SUGCT: variants seen among roughly 807,000 people sequenced by gnomAD.
SUGCT encodes the protein succinyl-CoA:glutarate CoA-transferase.
Under a neutral mutation model 55.0 loss-of-function variants are expected in SUGCT, and 41 were observed. The observed-to-expected ratio is 0.74, with a 90% confidence interval of 0.58 to 0.97. The LOEUF is 0.97. Ranked by LOEUF, SUGCT falls within the 50% of genes least tolerant of loss-of-function variation. The pLI is 0.00. For missense variants in SUGCT, 568 were observed against 547.8 expected, an observed-to-expected ratio of 1.04 and a Z score of -0.37; for synonymous variants, 187 against 200.4, an observed-to-expected ratio of 0.93 and a Z score of 0.56.
At chr7:40,747,846 C>A (rs1166279785) in intron 12 of SUGCT, among the ~76,000 whole-genome samples, 2 of 152,034 alleles carry the variant, frequency 1.3e-5, no homozygotes, top group African/African-American at 4.8e-5. Flanking sequence ...CATTTTGCCT[C>A]CAATAATTCA....
intron 12 of SUGCT, among the ~76,000 whole-genome samples, chr7:40,681,835 C>G (rs972550435): frequency 6.6e-6 from 1 of 152,060 alleles, no homozygotes; most frequent in Non-Finnish European, 1.5e-5. Context: ...AATATTAGCT[C>G]TAGCTCATGG....
At chr7:40,835,474 G>T (rs1792914414) in intron 13 of SUGCT, among the ~76,000 whole-genome samples, 1 of 151,968 alleles carries the variant, frequency 6.6e-6, no homozygotes, top group South Asian at 2.1e-4. Flanking sequence ...TTGAAATATT[G>T]ACTACAGAAA....
chr7:40,491,504 G>A (rs1405705581), intron 11 of SUGCT, among the ~76,000 whole-genome samples: 3 of 152,088 alleles, frequency 2.0e-5, no homozygotes, highest in Non-Finnish European at 4.4e-5. Flanking sequence ...TCATGGGGAT[G>A]CTAATGCATC....
chr7:40,663,210 C>G (rs1584233631), intron 12 of SUGCT, among the ~76,000 whole-genome samples: 2 of 151,828 alleles, frequency 1.3e-5, no homozygotes, highest in East Asian at 3.9e-4. Flanking sequence ...GTCTTATGGA[C>G]TTTGTTTAAT....
chr7:40,764,913 G>T (rs1026156050), intron 13 of SUGCT, among the ~76,000 whole-genome samples: 2 of 152,136 alleles, frequency 1.3e-5, no homozygotes, highest in African/African-American at 2.4e-5. Flanking sequence ...GTGGTGTGGA[G>T]GCTCCTCTTT....
At chr7:40,847,163 A>T (rs1793598847) in intron 13 of SUGCT, among the ~76,000 whole-genome samples, 1 of 152,148 alleles carries the variant, frequency 6.6e-6, no homozygotes, top group Non-Finnish European at 1.5e-5. Flanking sequence ...ACTGAAACTG[A>T]GGCATGTGTC....
At chr7:40,364,223 G>A (rs1471421804) in intron 9 of SUGCT, among the ~76,000 whole-genome samples, 1 of 152,074 alleles carries the variant, frequency 6.6e-6, no homozygotes, top group African/African-American at 2.4e-5. Flanking sequence ...CACGTGAGAT[G>A]GGTTTTCTGA....
chr7:40,453,024 C>T (rs140203128), intron 10 of SUGCT, among the ~76,000 whole-genome samples: 140 of 152,234 alleles, frequency 9.2e-4, no homozygotes, highest in African/African-American at 3.3e-3. Flanking sequence ...GAACCTGAAA[C>T]CTGGAAGTGA....
chr7:40,383,906 C>A (rs553506086), intron 9 of SUGCT, among the ~76,000 whole-genome samples: 1 of 152,126 alleles, frequency 6.6e-6, no homozygotes, highest in East Asian at 1.9e-4. Context: ...TAATATGCTT[C>A]CCCCTGCACA....
the SUGCT span, among the ~76,000 whole-genome samples, chr7:40,938,539 GT>G: frequency 6.6e-6 from 1 of 151,690 alleles, no homozygotes; most frequent in Non-Finnish European, 1.5e-5. Flanking sequence ...AGTACAAGTG[GT>G]TTTTGGTTAC....
the SUGCT span, among the ~76,000 whole-genome samples, chr7:40,997,023 G>A: frequency 2.6e-5 from 4 of 152,084 alleles, no homozygotes; most frequent in Non-Finnish European, 4.4e-5. Context: ...TGCCTGATGC[G>A]GCTCCACAAC....
At chr7:40,852,725 G>A (rs17171784) in intron 13 of SUGCT, among the ~76,000 whole-genome samples, 14 of 151,596 alleles carry the variant, frequency 9.2e-5, no homozygotes, top group Admixed American at 3.3e-4. Flanking sequence ...CATCTAATCA[G>A]CTTGGCCTCC....
chr7:40,269,239 A>G (rs1287734954), intron 7 of SUGCT, among the ~76,000 whole-genome samples: 1 of 152,132 alleles, frequency 6.6e-6, no homozygotes, highest in Non-Finnish European at 1.5e-5. Context: ...GGTCATTTGT[A>G]TCTAGTTCTT....
chr7:40,840,288 G>A (rs940564587), intron 13 of SUGCT, among the ~76,000 whole-genome samples: 6 of 152,072 alleles, frequency 3.9e-5, no homozygotes, highest in Admixed American at 1.3e-4. Context: ...GTATATGCTT[G>A]TAATCCTAAG....
the SUGCT span, among the ~76,000 whole-genome samples, chr7:41,038,604 C>T: frequency 1.3e-5 from 2 of 152,210 alleles, no homozygotes; most frequent in Non-Finnish European, 2.9e-5. Context: ...TCCTCATCAA[C>T]AGTGGAGGAT....
chr7:40,554,248 T>C (rs1795447566), intron 12 of SUGCT, among the ~76,000 whole-genome samples: 1 of 152,202 alleles, frequency 6.6e-6, no homozygotes, highest in Non-Finnish European at 1.5e-5. Flanking sequence ...CTTTTTTTGA[T>C]GAGCTGATAA....
chr7:40,419,347 C>T (rs1787179713), intron 9 of SUGCT, among the ~76,000 whole-genome samples: 1 of 152,048 alleles, frequency 6.6e-6, no homozygotes, highest in African/African-American at 2.4e-5. Context: ...ATATTACTGG[C>T]CAACTCTAAG....
chr7:40,962,995 G>A, the SUGCT span, among the ~76,000 whole-genome samples: 1 of 152,094 alleles, frequency 6.6e-6, no homozygotes, highest in Non-Finnish European at 1.5e-5. Flanking sequence ...ACCAAACCAA[G>A]GGGATTGTAT....
intron 9 of SUGCT, among the ~76,000 whole-genome samples, chr7:40,432,334 A>C (rs181997809): frequency 6.6e-6 from 1 of 152,272 alleles, no homozygotes; most frequent in Admixed American, 6.5e-5. Flanking sequence ...GAACAAACCC[A>C]CTGATAGTCT....
Sources: allele counts gnomAD v4.1 joint callset (sites outside exome capture counted in the v4.1 genomes callset), GRCh38; gene constraint gnomAD v4.1.1; transcripts MANE v1.5; gene names NCBI Gene and HGNC (gene_info 2026-07-23, HGNC 2026-07-21).